Variants in NBPF20 observed in about 807,000 individuals in gnomAD.
The protein encoded by NBPF20 is NBPF family member NBPF20.
A neutral mutation model predicts 68.1 loss-of-function variants in NBPF20; 90 were observed. The ratio of observed to expected loss-of-function variants is 1.32; its 90% confidence interval spans 1.11 to 1.58. The LOEUF (loss-of-function observed/expected upper bound fraction) is 1.58. Among genes scored for constraint, NBPF20 ranks in the 40% most tolerant of loss-of-function variants. The pLI is 0.00. For synonymous variants in NBPF20, 290 were observed against 228.1 expected, an observed-to-expected ratio of 1.27 and a Z score of -2.45; for missense variants, 816 against 601.2, an observed-to-expected ratio of 1.36 and a Z score of -3.74.
intron 7 of NBPF20, among the ~76,000 whole-genome samples, chr1:145,395,791 A>T (rs1219781942): frequency 1.3e-5 from 2 of 148,720 alleles, no homozygotes; most frequent in Non-Finnish European, 2.9e-5. Flanking sequence ...TAACACACAG[A>T]AAGGAATAAC....
intron 8 of NBPF20, among the ~76,000 whole-genome samples, chr1:145,394,746 T>C (rs1244751446): frequency 2.6e-5 from 4 of 151,894 alleles, no homozygotes; most frequent in Non-Finnish European, 4.4e-5. Context: ...TGACAATCAG[T>C]CCAGGTTGGC....
the NBPF20 span, among the ~76,000 whole-genome samples, chr1:145,413,407 C>T: frequency 6.6e-6 from 1 of 151,404 alleles, no homozygotes; most frequent in African/African-American, 2.4e-5. Context: ...AAACTGGAAA[C>T]ATTCAAATAT....
exon 62 of NBPF20, chr1:145,352,064 C>G: frequency 2.2e-5 from 1 of 44,988 alleles, no homozygotes; most frequent in Non-Finnish European, 4.1e-5. Context: ...TCAGGCTCTA[C>G]TACCTCCAGC....
At chr1:145,291,188 C>T (rs1474740911) in exon 138 of NBPF20, 3 of 450,280 alleles carry the variant, frequency 6.7e-6, no homozygotes, top group South Asian at 2.3e-5. Context: ...TGACAATGAC[C>T]TTGAGCAGGT....
chr1:145,417,144 T>C, the NBPF20 span, among the ~76,000 whole-genome samples: 10 of 147,926 alleles, frequency 6.8e-5, no homozygotes, highest in Admixed American at 6.2e-4. Flanking sequence ...TGGAAAAGAA[T>C]ACGGAGCCCA....
At chr1:145,292,447 C>T (rs782268819) in exon 137 of NBPF20, 1 of 709,726 alleles carries the variant, frequency 1.4e-6, no homozygotes, top group Admixed American at 2.1e-5. Context: ...CTTCTTTGAT[C>T]TTCTTCCCCT....
At chr1:145,413,671 C>G in the NBPF20 span, among the ~76,000 whole-genome samples, 2 of 141,472 alleles carry the variant, frequency 1.4e-5, no homozygotes, top group Non-Finnish European at 3.1e-5. Flanking sequence ...AACTAAGAAA[C>G]TCCTGCTGGA....
exon 138 of NBPF20, chr1:145,291,692 G>A (rs782125276): frequency 7.4e-6 from 12 of 1,611,924 alleles, no homozygotes; most frequent in Middle Eastern, 2.3e-4. Flanking sequence ...AAAGTACATT[G>A]ACGGAGTAGA....
chr1:145,398,194 T>C (rs1343604145), intron 7 of NBPF20, among the ~76,000 whole-genome samples: 3 of 151,714 alleles, frequency 2.0e-5, no homozygotes, highest in Non-Finnish European at 2.9e-5. Flanking sequence ...TTAACAAGGA[T>C]ATCCAGGACT....
upstream of NBPF20, among the ~76,000 whole-genome samples, chr1:145,410,469 T>A (rs1662963306): frequency 6.6e-6 from 1 of 150,820 alleles, no homozygotes; most frequent in East Asian, 1.9e-4. Context: ...CGCCCGCCAC[T>A]ACGCCCGGCT....
intron 83 of NBPF20, among the ~76,000 whole-genome samples, chr1:145,334,910 A>C (rs1661562951): frequency 7.6e-6 from 1 of 131,122 alleles, no homozygotes; most frequent in Admixed American, 7.7e-5. Flanking sequence ...TGAAGGGGTC[A>C]AAGGACACTC....
intron 8 of NBPF20, 57 bp downstream of exon 13, chr1:145,394,921 T>G: frequency 6.2e-7 from 1 of 1,601,500 alleles, no homozygotes; most frequent in Non-Finnish European, 8.5e-7. Flanking sequence ...CCAAAGATTA[T>G]GGGGTCTACC....
At chr1:145,290,379 C>T (rs1246834373) in exon 138 of NBPF20, 2 of 149,472 alleles carry the variant, frequency 1.3e-5, no homozygotes, top group Non-Finnish European at 3.0e-5. Flanking sequence ...ACTAGACCTT[C>T]TCTGCCCGCA....
intron 9 of NBPF20, 179 bp downstream of exon 14, chr1:145,393,705 T>A: frequency 3.4e-6 from 5 of 1,470,822 alleles, no homozygotes; most frequent in African/African-American, 2.8e-5. Flanking sequence ...ATGATAAGGG[T>A]AGGAAGAAAT....
intron 43 of NBPF20, among the ~76,000 whole-genome samples, chr1:145,366,627 A>G (rs1661703150): frequency 1.3e-5 from 1 of 74,326 alleles, no homozygotes; most frequent in Non-Finnish European, 2.6e-5. Flanking sequence ...GAGCTCAGTG[A>G]ATTGTCCAGG....
chr1:145,291,913 C>A (rs1475431385), intron 137 of NBPF20, 144 bp from the exon 143 acceptor site: 43 of 1,536,692 alleles, frequency 2.8e-5, no homozygotes, highest in South Asian at 7.6e-5. Flanking sequence ...AATTTATTGC[C>A]TATATGTTGG....
the NBPF20 span, among the ~76,000 whole-genome samples, chr1:145,415,006 C>T: frequency 5.9e-5 from 9 of 152,154 alleles, no homozygotes; most frequent in African/African-American, 9.6e-5. Flanking sequence ...GTTCAGCATA[C>T]GGAGGACCCA....
chr1:145,403,074 A>C, intron 3 of NBPF20, 142 bp downstream of exon 8: 1 of 932,486 alleles, frequency 1.1e-6, no homozygotes, highest in Non-Finnish European at 1.7e-6. Context: ...CTGTTTGATA[A>C]ATATTTATGT....
chr1:145,397,218 A>G lies in NBPF20; in HGVS notation c.827+1831T>C, dbSNP rs1346691093. 1.1e-4 allele frequency among the ~76,000 whole-genome samples: 17 copies of G among 149,466 alleles called. No individual in the cohort carries two copies. The South Asian group carries it at 2.8e-3, about 25-fold the overall frequency. On this transcript the variant is annotated intron_variant, in intron 7 of 137. Coordinates refer to ENST00000369373, the Ensembl canonical transcript of NBPF20. ...AGTCTTTGCTATTGTGAATAGTGCCACAATAAACATATGTGTGCATGTGTC... is the reference window on the plus strand; with the variant it reads ...AGTCTTTGCTATTGTGAATAGTGCCGCAATAAACATATGTGTGCATGTGTC...
Sources: gnomAD v4.1 joint callset for allele counts (sites outside exome capture counted in the v4.1 genomes callset) on GRCh38, gnomAD v4.1.1 for gene constraint, MANE v1.5 for transcripts, NCBI Gene and HGNC (gene_info 2026-07-23, HGNC 2026-07-21) for gene names.